The following SLCO2A1 variants were observed in gnomAD, a reference collection of about 807,000 sequenced individuals.
The protein encoded by SLCO2A1 is solute carrier organic anion transporter family member 2A1.
A neutral mutation model predicts 71.7 loss-of-function variants in SLCO2A1; 60 were observed. The observed-to-expected ratio is 0.84, with a 90% CI of 0.68 to 1.04. The LOEUF is 1.04. Among genes scored for constraint, SLCO2A1 ranks in the 50% least tolerant of loss-of-function variants. The pLI, the probability that SLCO2A1 is intolerant of heterozygous loss-of-function variation, is 0.00. For missense variants in SLCO2A1, 745 were observed against 813.4 expected (o/e 0.92, Z 1.02); for synonymous variants, 308 against 326.7 (o/e 0.94, Z 0.62).
intron 1 of SLCO2A1, among the ~76,000 whole-genome samples, chr3:134,019,430 A>T (rs1481752936): frequency 1.1e-4 from 17 of 152,274 alleles, no homozygotes; most frequent in African/African-American, 3.9e-4. Flanking sequence ...GGTTTTTCTT[A>T]ACTAATAACT....
chr3:134,024,444 C>T (rs535128339), intron 1 of SLCO2A1, among the ~76,000 whole-genome samples: 19 of 152,312 alleles, frequency 1.2e-4, no homozygotes, highest in South Asian at 8.3e-4. Flanking sequence ...CCAACAGCAA[C>T]GAGCTTTTCA....
At chr3:133,979,162 AC>A (rs1449380524) in intron 2 of SLCO2A1, among the ~76,000 whole-genome samples, 7 of 152,202 alleles carry the variant, frequency 4.6e-5, no homozygotes, top group African/African-American at 1.7e-4. Context: ...GGAGCAAGCC[AC>A]TTGTACTCCT....
intron 3 of SLCO2A1, among the ~76,000 whole-genome samples, chr3:133,963,563 G>T (rs2108050060): frequency 6.6e-6 from 1 of 152,372 alleles, no homozygotes; most frequent in African/African-American, 2.4e-5. Context: ...GCTCCTTCAA[G>T]TCATGGCTCT....
chr3:134,011,584 G>T (rs577137967), intron 1 of SLCO2A1, among the ~76,000 whole-genome samples: 16 of 152,224 alleles, frequency 1.1e-4, no homozygotes, highest in Non-Finnish European at 2.2e-4. Flanking sequence ...ATACAAGGCT[G>T]GTTCTTCATT....
chr3:133,989,751 C>A (rs1284612754), intron 1 of SLCO2A1, among the ~76,000 whole-genome samples: 1 of 152,180 alleles, frequency 6.6e-6, no homozygotes, highest in African/African-American at 2.4e-5. Flanking sequence ...TGATGACATC[C>A]ACACATCTCA....
At chr3:133,993,667 C>T (rs1331001105) in intron 1 of SLCO2A1, among the ~76,000 whole-genome samples, 1 of 151,970 alleles carries the variant, frequency 6.6e-6, no homozygotes, top group African/African-American at 2.4e-5. Context: ...AAGCCAGAAA[C>T]ATTTTCATCA....
chr3:133,957,901 G>T (rs1933935181), intron 3 of SLCO2A1, among the ~76,000 whole-genome samples: 1 of 152,190 alleles, frequency 6.6e-6, no homozygotes, highest in Admixed American at 6.5e-5. Context: ...CATTAAAGAG[G>T]TAGAAGACTA....
intron 8 of SLCO2A1, among the ~76,000 whole-genome samples, chr3:133,948,289 C>T (rs748813894): frequency 2.6e-4 from 39 of 152,206 alleles, no homozygotes; most frequent in Non-Finnish European, 5.4e-4. Flanking sequence ...AGCCCCTTTA[C>T]AGGGAGGAAG....
intron 1 of SLCO2A1, among the ~76,000 whole-genome samples, chr3:134,028,324 G>T (rs370001076): frequency 6.6e-6 from 1 of 152,088 alleles, no homozygotes; most frequent in Non-Finnish European, 1.5e-5. Context: ...AATACCAAAG[G>T]TTCCAAAATT....
intron 6 of SLCO2A1, 135 bp downstream of exon 6, chr3:133,951,073 T>G: frequency 5.8e-6 from 7 of 1,205,212 alleles, no homozygotes; most frequent in Non-Finnish European, 8.6e-6. Flanking sequence ...TGGGAAGTCC[T>G]GCATCATGAA....
chr3:133,955,183 G>A lies in SLCO2A1; in HGVS notation c.408C>T (p.Ser136=), dbSNP rs773183663. 7 of 1,612,828 alleles carry A rather than the reference G, an allele frequency of 4.3e-6. No individual in the cohort carries two copies. Among genetic ancestry groups the A allele is most frequent in the Non-Finnish European group, 5.1e-6 (6 of 1,179,574 alleles). The change falls in exon 4 of 14, where the codon AGC becomes AGT. Residue 136 remains serine (S), a synonymous_variant. Coordinates refer to ENST00000310926, the MANE Select transcript of SLCO2A1 (RefSeq NM_005630.3). ...QYTLASTGNN[S]RLQAELCQKH... ...TCTGGCAGAGCTCGGCCTGCAAGCG[G>A]CTGTTGTTCCCTGCAACGAGAGTGC...
intron 1 of SLCO2A1, among the ~76,000 whole-genome samples, chr3:134,005,479 TAA>T (rs942902340): frequency 2.0e-5 from 2 of 99,010 alleles, no homozygotes; most frequent in African/African-American, 6.7e-5. Context: ...TCATGTGTTA[TAA>T]TTTTTTTTTT....
intron 12 of SLCO2A1, among the ~76,000 whole-genome samples, chr3:133,937,754 A>C (rs1351073159): frequency 6.6e-6 from 1 of 152,146 alleles, no homozygotes; most frequent in South Asian, 2.1e-4. Context: ...GGATCTCTCT[A>C]TTGCTGCCTT....
rs1172803733 is a variant in SLCO2A1 at position 133,934,832 on chromosome 3, T to A, written c.1815-2A>T. 3 of 1,608,248 alleles carry A rather than the reference T, an allele frequency of 1.9e-6. No homozygotes were observed. In the African/African-American group the frequency reaches 4.0e-5, roughly 21 times the overall value. The stretch of plus-strand genomic sequence containing the variant: ...TAGCCCATCTGCAGGCCCAGGTACC[T>A]GTGGGCAGGAGGAGGCAGGACTGGT... On this transcript the variant is annotated splice_acceptor_variant, in intron 13 of 13. Coordinates refer to ENST00000310926, the MANE Select transcript of SLCO2A1 (RefSeq NM_005630.3). LOFTEE classifies it high-confidence loss of function.
rs1368321182 is a variant in SLCO2A1 at position 133,947,294 on chromosome 3, T to A, written c.1257A>T (p.Gly419=). Reference sequence around the variant, plus strand: ...CTTCGGCCACAGTTGGGGTGGAGCATCCCATGAAGAACAAAGGAACACAAA... The same window carrying A: ...CTTCGGCCACAGTTGGGGTGGAGCAACCCATGAAGAACAAAGGAACACAAA... ...MILCVPLFFM[G]CSTPTVAEVY... The change falls in exon 9 of 14, where the codon GGA becomes GGT. Residue 419 remains glycine (G), a synonymous_variant. Coordinates refer to ENST00000310926, the MANE Select transcript of SLCO2A1 (RefSeq NM_005630.3). 1 of 1,613,946 alleles carries A rather than the reference T, an allele frequency of 6.2e-7. No homozygotes were observed. Among genetic ancestry groups the A allele is most frequent in the Admixed American group, 1.7e-5 (1 of 59,986 alleles).
chr3:134,009,625 C>T (rs1935290146), intron 1 of SLCO2A1, among the ~76,000 whole-genome samples: 1 of 152,210 alleles, frequency 6.6e-6, no homozygotes, highest in South Asian at 2.1e-4. Flanking sequence ...TGCTCATGTG[C>T]CATACAGCTG....
chr3:133,940,299 A>T (rs1407747373), intron 11 of SLCO2A1, among the ~76,000 whole-genome samples: 2 of 152,130 alleles, frequency 1.3e-5, no homozygotes, highest in African/African-American at 4.8e-5. Flanking sequence ...CTCCTTCTTC[A>T]CACTAAATAG....
At chr3:133,959,795 G>A (rs1933988781) in intron 3 of SLCO2A1, among the ~76,000 whole-genome samples, 1 of 151,790 alleles carries the variant, frequency 6.6e-6, no homozygotes, top group African/African-American at 2.4e-5. Context: ...CACTGCCTGG[G>A]CGACAGAGTG....
chr3:133,937,255 T>C (rs1933290910), intron 12 of SLCO2A1, among the ~76,000 whole-genome samples: 1 of 152,152 alleles, frequency 6.6e-6, no homozygotes, highest in South Asian at 2.1e-4. Flanking sequence ...AAGTTATAAA[T>C]GAAAATAAGG....
Sources: allele counts gnomAD v4.1 joint callset (sites outside exome capture counted in the v4.1 genomes callset), GRCh38; gene constraint gnomAD v4.1.1; transcripts MANE v1.5; gene names NCBI Gene and HGNC (gene_info 2026-07-23, HGNC 2026-07-21).